Variants in DLGAP2 observed in about 807,000 individuals in gnomAD.
DLGAP2 encodes the protein disks large-associated protein 2.
DLGAP2 carries 26 observed loss-of-function variants against 100.3 expected under a neutral mutation model. That is an observed-to-expected ratio of 0.26 (90% CI 0.19 to 0.36). The LOEUF (loss-of-function observed/expected upper bound fraction) is 0.36, where lower values mean the gene tolerates loss of function less well. DLGAP2 is among the 10% of genes least tolerant of loss of function. DLGAP2 has a pLI of 1.00. For missense variants in DLGAP2, 1,858 were observed against 1,453.2 expected (o/e 1.28, Z -4.53); for synonymous variants, 886 against 630.1 (o/e 1.41, Z -6.08).
At chr8:1,178,825 C>G (rs1384252373) in intron 2 of DLGAP2, among the ~76,000 whole-genome samples, 1 of 152,222 alleles carries the variant, frequency 6.6e-6, no homozygotes, top group Admixed American at 6.5e-5. Flanking sequence ...CATCTGTCCA[C>G]CCTGGTTTCT....
At chr8:1,110,485 C>G (rs950068116) in intron 2 of DLGAP2, among the ~76,000 whole-genome samples, 5 of 120,900 alleles carry the variant, frequency 4.1e-5, no homozygotes, top group East Asian at 5.5e-4. Context: ...GACATGTGCT[C>G]GGTCTGTGAT....
intron 3 of DLGAP2, among the ~76,000 whole-genome samples, chr8:1,493,951 G>A (rs527869975): frequency 3.9e-5 from 6 of 152,378 alleles, no homozygotes; most frequent in Non-Finnish European, 5.9e-5. Context: ...GGACTCACAA[G>A]ACTGGTGGGA....
At chr8:1,292,798 C>G (rs1031325782) in intron 3 of DLGAP2, among the ~76,000 whole-genome samples, 1 of 152,062 alleles carries the variant, frequency 6.6e-6, no homozygotes, top group African/African-American at 2.4e-5. Context: ...CCCCTCTTCT[C>G]GGAACGCCTT....
At chr8:1,671,594 C>G (rs1193355140) in intron 10 of DLGAP2, among the ~76,000 whole-genome samples, 1 of 152,214 alleles carries the variant, frequency 6.6e-6, no homozygotes, top group African/African-American at 2.4e-5. Flanking sequence ...TGACCTTTTA[C>G]TATCAGGGTT....
At chr8:1,005,397 C>G (rs911268536) in intron 2 of DLGAP2, among the ~76,000 whole-genome samples, 1 of 145,452 alleles carries the variant, frequency 6.9e-6, no homozygotes, top group African/African-American at 2.5e-5. Context: ...TTCAAAACAA[C>G]TCCACTTGTT....
intron 3 of DLGAP2, among the ~76,000 whole-genome samples, chr8:1,380,753 A>T (rs1209352845): frequency 1.3e-5 from 2 of 152,086 alleles, no homozygotes; most frequent in African/African-American, 4.8e-5. Context: ...TATTGGTATT[A>T]ACTGGGACAC....
At position 1,697,050 on chromosome 8, in the gene DLGAP2, C is replaced by T. The variant is rs568969983; in HGVS notation, c.2797-97C>T. ...GGAATTAGCCAGGCTTCTCCCTAAT[C>T]CGCCTCTTGAAAGGCATGCGTGGGG... is the stretch of plus-strand genomic sequence containing the variant. On this transcript the variant is annotated intron_variant, in intron 13 of 14. Coordinates refer to ENST00000637795, the MANE Select transcript of DLGAP2 (RefSeq NM_001346810.2). The T allele has an allele frequency of 1.4e-5, 18 of 1,286,742 alleles. No individual in the cohort carries two copies. In the South Asian group the frequency reaches 1.9e-4, roughly 14 times the overall value. The allele number at this position is 1,286,742 out of a possible 1,614,324, so 79.7% of individuals were successfully genotyped here. A position where few individuals can be genotyped will look rare whatever the true frequency, so the allele number is the denominator to read the frequency against.
chr8:1,003,406 CAT>C (rs1801017069), intron 2 of DLGAP2: 1 of 152,230 alleles, frequency 6.6e-6, no homozygotes, highest in African/African-American at 2.4e-5. Context: ...GATCCTGCCA[CAT>C]GTGTCTTTGT....
intron 2 of DLGAP2, among the ~76,000 whole-genome samples, chr8:962,290 C>T (rs936142991): frequency 1.3e-5 from 2 of 152,198 alleles, no homozygotes; most frequent in Admixed American, 1.3e-4. Flanking sequence ...AGGAGAGGGG[C>T]TTCTTCCCCT....
At chr8:878,528 G>C (rs570886324) in intron 1 of DLGAP2, among the ~76,000 whole-genome samples, 8 of 152,300 alleles carry the variant, frequency 5.3e-5, no homozygotes, top group Non-Finnish European at 8.8e-5. Flanking sequence ...TTTCCATGTT[G>C]TGATAGCCAT....
chr8:1,616,689 C>T (rs903719551), intron 6 of DLGAP2, among the ~76,000 whole-genome samples: 1 of 152,248 alleles, frequency 6.6e-6, no homozygotes, highest in East Asian at 1.9e-4. Flanking sequence ...CAAACAGAAG[C>T]TAAGGAATCT....
intron 3 of DLGAP2, among the ~76,000 whole-genome samples, chr8:1,273,568 C>T (rs911235205): frequency 1.3e-5 from 2 of 152,208 alleles, no homozygotes; most frequent in South Asian, 2.1e-4. Flanking sequence ...CTGCTTCAGA[C>T]GTGCCGTGAC....
At chr8:1,632,728 G>A in intron 7 of DLGAP2, 99 bp from the exon 8 acceptor site, 1 of 1,241,062 alleles carries the variant, frequency 8.1e-7, no homozygotes, top group African/African-American at 1.5e-5. Flanking sequence ...ATGAGGCAGT[G>A]AAAGGCAGCC....
chr8:1,130,384 T>A, intron 2 of DLGAP2, among the ~76,000 whole-genome samples: 1 of 152,192 alleles, frequency 6.6e-6, no homozygotes, highest in East Asian at 1.9e-4. Flanking sequence ...AACTCACAGA[T>A]ATGACGATTG....
At position 1,061,623 on chromosome 8, in the gene DLGAP2, A is replaced by T. The variant is rs377047156; in HGVS notation, c.73+153657A>T. On this transcript the variant is annotated intron_variant, in intron 2 of 14. Transcript: ENST00000637795. ...GAGCAGCAGCAGCAGAAACGCCCCA[A>T]ACTGTTGCTGTCACAGAGAGCGAGC... Among the ~76,000 whole-genome samples, 1,170 of 152,038 alleles carry T rather than the reference A, an allele frequency of 7.7e-3. 10 individuals carry two copies. Among genetic ancestry groups the T allele is most frequent in the Admixed American group, 0.013 (193 of 15,266 alleles).
intron 1 of DLGAP2, among the ~76,000 whole-genome samples, chr8:848,874 T>TCTGTTCCAGCATAGGATCGCGCGGTGC (rs1797121959): frequency 2.3e-5 from 3 of 129,780 alleles, no homozygotes; most frequent in African/African-American, 5.7e-5. Context: ...TCGCGCGGTG[T>TCTGTTCCAGCATAGGATCGCGCGGTGC]CTGTTCCAGC....
At chr8:946,542 C>T (rs951618630) in intron 2 of DLGAP2, among the ~76,000 whole-genome samples, 20 of 152,176 alleles carry the variant, frequency 1.3e-4, no homozygotes, top group African/African-American at 2.2e-4. Flanking sequence ...GGATTACAGG[C>T]GTGAGCCACC....
In DLGAP2 at chr8:1,462,505, G is replaced by A. The variant is rs1489633871; in HGVS notation, c.107-38861G>A. ...GGTTGGGAGAAGGTGCTGCTGTCAC[G>A]TGGGCTGGGTGCAGTCGCTGATTTG... is the stretch of plus-strand genomic sequence containing the variant. On this transcript the variant is annotated intron_variant, in intron 3 of 14. Coordinates refer to ENST00000637795, the MANE Select transcript of DLGAP2 (RefSeq NM_001346810.2). Among the ~76,000 whole-genome samples the A allele has an allele frequency of 1.2e-4, 5 of 42,152 alleles. 1 individual carries two copies. The highest frequency in any genetic ancestry group is 3.1e-4 in the Admixed American group (1 of 3,204). 27.7% of individuals were successfully genotyped at this position (42,152 alleles called of 152,430 possible). A position where few individuals can be genotyped will look rare whatever the true frequency, so the allele number is the denominator to read the frequency against.
intron 1 of DLGAP2, among the ~76,000 whole-genome samples, chr8:771,578 A>T (rs1215964489): frequency 6.6e-6 from 1 of 152,202 alleles, no homozygotes; most frequent in Non-Finnish European, 1.5e-5. Context: ...TCCAAATTAA[A>T]AGGCTGTCTG....
Sources: allele counts gnomAD v4.1 joint callset (sites outside exome capture counted in the v4.1 genomes callset), GRCh38; gene constraint gnomAD v4.1.1; transcripts MANE v1.5; gene names NCBI Gene and HGNC (gene_info 2026-07-23, HGNC 2026-07-21).